Variants in ZNF709 observed in about 807,000 individuals in gnomAD.
ZNF709 encodes the protein zinc finger protein 709.
In ZNF709, 15 loss-of-function variants were observed where a neutral mutation model predicts 10.6. The observed-to-expected ratio is 1.41, with a 90% CI of 0.95 to 2.18. The LOEUF (loss-of-function observed/expected upper bound fraction) is 2.18. Among genes scored for constraint, ZNF709 ranks in the 30% most tolerant of loss-of-function variants. The pLI is 0.00. For missense variants in ZNF709, 589 were observed against 774.0 expected, an observed-to-expected ratio of 0.76 and a Z score of 2.84; for synonymous variants, 194 against 238.8, an observed-to-expected ratio of 0.81 and a Z score of 1.73.
Position 12,462,737 on chromosome 19 carries a change from T to C in ZNF709, c.*1259A>G, listed in dbSNP as rs1970528309. 1 of 152,218 alleles carries C rather than the reference T, an allele frequency of 6.6e-6. No homozygotes were observed. Among genetic ancestry groups the C allele is most frequent in the South Asian group, 2.1e-4 (1 of 4,836 alleles). 9.4% of individuals were successfully genotyped at this position (152,218 alleles called of 1,614,324 possible). A position where few individuals can be genotyped will look rare whatever the true frequency, so the allele number is the denominator to read the frequency against. On this transcript the variant is annotated 3_prime_UTR_variant, in exon 4 of 4. Transcript: ENST00000397732. ...GGAAATCCTAAAAATTACCAAATTG[T>C]CATTTTTTGATGGCCCATTACAGCA...
In ZNF709 at chr19:12,463,361, CA is replaced by C. The variant is rs1435086288; in HGVS notation, c.*634del. The C allele has an allele frequency of 1.3e-5, 2 of 152,252 alleles. No individual in the cohort carries two copies. The highest frequency in any genetic ancestry group is 1.3e-4 in the Admixed American group (2 of 15,288). The allele number at this position is 152,252 out of a possible 1,614,324, so 9.4% of individuals were successfully genotyped here. Reference sequence around the variant, plus strand: ...ACTAAGACAAATAAAGGTTTTTCTACATTTTTTACATTTATAGGGTTTTCCA... The same window carrying C: ...ACTAAGACAAATAAAGGTTTTTCTACTTTTTTACATTTATAGGGTTTTCCA... On this transcript the variant is annotated 3_prime_UTR_variant, in exon 4 of 4. Coordinates refer to ENST00000397732, the MANE Select transcript of ZNF709 (RefSeq NM_152601.4).
chr19:12,480,764 G>A (rs1427951456), intron 1 of ZNF709, among the ~76,000 whole-genome samples: 2 of 151,672 alleles, frequency 1.3e-5, no homozygotes, highest in African/African-American at 4.8e-5. Context: ...TATGGACTTT[G>A]AGGTTTTTTC....
intron 1 of ZNF709, among the ~76,000 whole-genome samples, chr19:12,476,558 T>C (rs1770577049): frequency 6.6e-6 from 1 of 152,140 alleles, no homozygotes; most frequent in African/African-American, 2.4e-5. Context: ...GAAAGCTCTG[T>C]GTTAAGAGAA....
chr19:12,474,847 T>A (rs4804702), intron 1 of ZNF709, among the ~76,000 whole-genome samples: 114,653 of 152,082 alleles, frequency 0.75, 43,542 homozygotes, highest in Non-Finnish European at 0.79. Context: ...AGAATATTCT[T>A]ATACATAATG....
At position 12,463,352 on chromosome 19, in the gene ZNF709, G is replaced by C. The variant is rs1011443394; in HGVS notation, c.*644C>G. On this transcript the variant is annotated 3_prime_UTR_variant, in exon 4 of 4. Coordinates refer to ENST00000397732, the MANE Select transcript of ZNF709 (RefSeq NM_152601.4). Reference sequence around the variant, plus strand: ...TCCAAGTAAACTAAGACAAATAAAGGTTTTTCTACATTTTTTACATTTATA... The same window carrying C: ...TCCAAGTAAACTAAGACAAATAAAGCTTTTTCTACATTTTTTACATTTATA... 2 of 152,038 alleles carry C rather than the reference G, an allele frequency of 1.3e-5. No homozygotes were observed. The highest frequency in any genetic ancestry group is 4.8e-5 in the African/African-American group (2 of 41,400). 9.4% of individuals were successfully genotyped at this position (152,038 alleles called of 1,614,324 possible).
chr19:12,468,586 A>G (rs1970605211), intron 1 of ZNF709, among the ~76,000 whole-genome samples: 1 of 150,124 alleles, frequency 6.7e-6, no homozygotes, highest in Non-Finnish European at 1.5e-5. Flanking sequence ...TGCCTAGGAA[A>G]ACCAGAGACC....
chr19:12,465,743 AAAAAC>A lies in ZNF709; in HGVS notation c.189-15_189-11del, dbSNP rs752542383. On this transcript the variant is annotated splice_polypyrimidine_tract_variant and intron_variant, in intron 3 of 3. Coordinates refer to ENST00000397732, the MANE Select transcript of ZNF709 (RefSeq NM_152601.4). ...CTCTACCATATGACTTCTGTGAGAA[AAAAAC>A]AAAACAAAACGCACAATTAGTGGCT... 2.1e-5 allele frequency: 32 copies of A among 1,490,592 alleles called. No homozygotes were observed. In the East Asian group the frequency reaches 5.3e-4, roughly 25 times the overall value. 92.3% of individuals were successfully genotyped at this position (1,490,592 alleles called of 1,614,324 possible).
At chr19:12,475,257 T>TAAAAA (rs71166684) in intron 1 of ZNF709, among the ~76,000 whole-genome samples, 7,575 of 44,420 alleles carry the variant, frequency 0.17, 1,197 homozygotes, top group Non-Finnish European at 0.26. Flanking sequence ...GATTCCGTCT[T>TAAAAA]AAAAAAAAAA....
At chr19:12,476,389 C>CAA (rs35824945) in intron 1 of ZNF709, among the ~76,000 whole-genome samples, 3,562 of 84,274 alleles carry the variant, frequency 0.042, 64 homozygotes, top group Middle Eastern at 0.087. Context: ...GAACTTGCCT[C>CAA]AAAAAAAAAA....
rs1212878302 is a variant in ZNF709, at chr19:12,462,068, T to C, written c.*1928A>G. On this transcript the variant is annotated 3_prime_UTR_variant, in exon 4 of 4. Coordinates refer to ENST00000397732, the MANE Select transcript of ZNF709 (RefSeq NM_152601.4). ...GCCTGGGCGACAGAGCAAGACTCCA[T>C]CTCGGAAAAAGAAAGTAAAGAAAGA... The C allele has an allele frequency of 6.7e-6, 1 of 150,304 alleles. No homozygotes were observed. The highest frequency in any genetic ancestry group is 6.6e-5 in the Admixed American group (1 of 15,058). The allele number at this position is 150,304 out of a possible 1,614,324, so 9.3% of individuals were successfully genotyped here.
At chr19:12,475,227 C>T (rs1032494563) in intron 1 of ZNF709, among the ~76,000 whole-genome samples, 2 of 126,072 alleles carry the variant, frequency 1.6e-5, no homozygotes, top group African/African-American at 5.8e-5. Context: ...CACTGTACTC[C>T]AGCCTGGGCA....
intron 1 of ZNF709, among the ~76,000 whole-genome samples, chr19:12,478,776 T>C (rs1272687202): frequency 6.6e-6 from 1 of 152,046 alleles, no homozygotes; most frequent in Non-Finnish European, 1.5e-5. Flanking sequence ...TACAAGAGAG[T>C]ACCTGCTCAA....
chr19:12,466,603 A>T, intron 2 of ZNF709, 84 bp from the exon 3 acceptor site: 1 of 1,603,304 alleles, frequency 6.2e-7, no homozygotes. Context: ...ATGAGCTGTT[A>T]TCCTGTCTGA....
At chr19:12,481,144 A>T (rs1258910346) in intron 1 of ZNF709, 1 of 983,624 alleles carries the variant, frequency 1.0e-6, no homozygotes, top group East Asian at 1.1e-4. Flanking sequence ...AAAAATGAAA[A>T]ATGTACCTGA....
rs28678799 is a variant in ZNF709, at chr19:12,479,076, G to A, written c.3+5579C>T. 2.7e-3 allele frequency among the ~76,000 whole-genome samples: 404 copies of A among 152,294 alleles called. 2 individuals carry two copies. The highest frequency in any genetic ancestry group is 9.4e-3 in the African/African-American group (390 of 41,560). On this transcript the variant is annotated intron_variant, in intron 1 of 3. Transcript: ENST00000397732. Reference sequence around the variant, plus strand: ...CCAGTGCTTTGACAGGCTGAGGCAGGAGGATTGCCTGAGCCCAGGAGTTCA... The same window carrying A: ...CCAGTGCTTTGACAGGCTGAGGCAGAAGGATTGCCTGAGCCCAGGAGTTCA...
intron 1 of ZNF709, among the ~76,000 whole-genome samples, chr19:12,472,427 C>T (rs1970640976): frequency 6.9e-6 from 1 of 145,878 alleles, no homozygotes; most frequent in Non-Finnish European, 1.5e-5. Flanking sequence ...GAGGCTGAGG[C>T]AGGAGAACTG....
intron 1 of ZNF709, among the ~76,000 whole-genome samples, chr19:12,469,632 G>T (rs1416974332): frequency 1.3e-5 from 2 of 152,050 alleles, no homozygotes; most frequent in African/African-American, 4.8e-5. Context: ...AGCTGGGTGT[G>T]GTGGTGGGCG....
At chr19:12,474,589 A>G (rs2145000771) in intron 1 of ZNF709, among the ~76,000 whole-genome samples, 1 of 152,314 alleles carries the variant, frequency 6.6e-6, no homozygotes, top group East Asian at 1.9e-4. Flanking sequence ...TAATTTTCTG[A>G]TAAACATCTA....
chr19:12,471,531 G>A (rs148185143), intron 1 of ZNF709, among the ~76,000 whole-genome samples: 15 of 152,248 alleles, frequency 9.9e-5, no homozygotes, highest in African/African-American at 3.4e-4. Context: ...GTCTTTTGAA[G>A]AGCAACATAA....
Sources: gnomAD v4.1 joint callset for allele counts (sites outside exome capture counted in the v4.1 genomes callset) on GRCh38, gnomAD v4.1.1 for gene constraint, MANE v1.5 for transcripts, NCBI Gene and HGNC (gene_info 2026-07-23, HGNC 2026-07-21) for gene names.